SPMIP4: variants seen among roughly 807,000 people sequenced by gnomAD.
SPMIP4 encodes the protein sperm microtubule inner protein 4, also known as sperm-associated microtubule inner protein 4.
At chr7:25,164,544 G>A in the SPMIP4 span, among the ~76,000 whole-genome samples, 1 of 152,156 alleles carries the variant, frequency 6.6e-6, no homozygotes. Context: ...GTTCTATCAA[G>A]TAACATACTC....
the SPMIP4 span, among the ~76,000 whole-genome samples, chr7:25,127,829 C>T: frequency 1.6e-4 from 24 of 152,142 alleles, no homozygotes; most frequent in African/African-American, 5.5e-4. Context: ...TTTTTGTATC[C>T]ACCCTTCTTG....
chr7:25,130,179 C>T, the SPMIP4 span, among the ~76,000 whole-genome samples: 22 of 151,538 alleles, frequency 1.5e-4, no homozygotes, highest in Non-Finnish European at 2.9e-4. Flanking sequence ...GTGGAGGTTG[C>T]AGTGAGCTGA....
At chr7:25,129,646 T>C in the SPMIP4 span, among the ~76,000 whole-genome samples, 2 of 152,110 alleles carry the variant, frequency 1.3e-5, no homozygotes, top group Non-Finnish European at 2.9e-5. Context: ...TTTGGGTGGA[T>C]AGTTGTTCAA....
At chr7:25,153,884 G>A in the SPMIP4 span, among the ~76,000 whole-genome samples, 1 of 152,228 alleles carries the variant, frequency 6.6e-6, no homozygotes, top group Non-Finnish European at 1.5e-5. Context: ...TGCCTAGTCT[G>A]AGAGGCAATG....
the SPMIP4 span, among the ~76,000 whole-genome samples, chr7:25,147,330 G>A: frequency 6.6e-6 from 1 of 152,128 alleles, no homozygotes; most frequent in Non-Finnish European, 1.5e-5. Context: ...TTGCCAATTG[G>A]AAAAGGAAAA....
chr7:25,146,657 G>A, the SPMIP4 span, among the ~76,000 whole-genome samples: 1 of 152,150 alleles, frequency 6.6e-6, no homozygotes, highest in Non-Finnish European at 1.5e-5. Flanking sequence ...CCTTTGAAGG[G>A]GTGATATCAG....
At chr7:25,141,596 A>G in the SPMIP4 span, among the ~76,000 whole-genome samples, 3 of 144,918 alleles carry the variant, frequency 2.1e-5, no homozygotes, top group East Asian at 2.0e-4. Flanking sequence ...AAAAAAAAAA[A>G]GCAAAGATCT....
chr7:25,125,982 AAAAT>A, the SPMIP4 span: 1 of 984,332 alleles, frequency 1.0e-6, no homozygotes, highest in African/African-American at 1.7e-5. Context: ...CTGGAACTGA[AAAAT>A]AAAATTAAGA....
the SPMIP4 span, among the ~76,000 whole-genome samples, chr7:25,156,933 T>G: frequency 7.4e-3 from 1,122 of 152,168 alleles, 12 homozygotes; most frequent in African/African-American, 0.026. Flanking sequence ...GTGATCCACC[T>G]GCCTCGGCCT....
the SPMIP4 span, among the ~76,000 whole-genome samples, chr7:25,139,459 TA>T: frequency 6.6e-6 from 1 of 151,988 alleles, no homozygotes; most frequent in Non-Finnish European, 1.5e-5. Flanking sequence ...TATGTTAAAG[TA>T]AAAAAACTAC....
chr7:25,134,284 AACAC>A, the SPMIP4 span, among the ~76,000 whole-genome samples: 3 of 150,520 alleles, frequency 2.0e-5, no homozygotes, highest in East Asian at 3.9e-4. Flanking sequence ...ACAAAAACAA[AACAC>A]ACACACACAC....
At chr7:25,160,399 A>C in the SPMIP4 span, among the ~76,000 whole-genome samples, 1 of 152,130 alleles carries the variant, frequency 6.6e-6, no homozygotes, top group Non-Finnish European at 1.5e-5. Flanking sequence ...CCTGGGTTCA[A>C]GTGATTCTCC....
the SPMIP4 span, among the ~76,000 whole-genome samples, chr7:25,137,867 G>T: frequency 3.3e-5 from 5 of 152,002 alleles, no homozygotes; most frequent in African/African-American, 1.2e-4. Context: ...CATAATATGG[G>T]GTAATTTAAC....
chr7:25,162,708 G>A, the SPMIP4 span, among the ~76,000 whole-genome samples: 1 of 152,088 alleles, frequency 6.6e-6, no homozygotes, highest in Non-Finnish European at 1.5e-5. Flanking sequence ...TGTGCTACAT[G>A]CACTAAGGTT....
chr7:25,147,716 T>C, the SPMIP4 span, among the ~76,000 whole-genome samples: 1 of 152,248 alleles, frequency 6.6e-6, no homozygotes, highest in African/African-American at 2.4e-5. Flanking sequence ...TGTTGCTAGG[T>C]CAACAAAGTA....
the SPMIP4 span, among the ~76,000 whole-genome samples, chr7:25,140,088 G>T: frequency 6.6e-6 from 1 of 152,130 alleles, no homozygotes; most frequent in African/African-American, 2.4e-5. Flanking sequence ...TGGAAATCTG[G>T]ACAGTTGTTG....
At chr7:25,137,809 T>C in the SPMIP4 span, among the ~76,000 whole-genome samples, 1 of 152,338 alleles carries the variant, frequency 6.6e-6, no homozygotes, top group South Asian at 2.1e-4. Flanking sequence ...TAAGGTCACA[T>C]TCTGAGGTAC....
At chr7:25,141,875 G>A in the SPMIP4 span, among the ~76,000 whole-genome samples, 11 of 152,008 alleles carry the variant, frequency 7.2e-5, no homozygotes, top group Admixed American at 6.6e-4. Flanking sequence ...GCAGCTGGGA[G>A]TAGAGGCGAG....
At chr7:25,139,725 TA>T in the SPMIP4 span, among the ~76,000 whole-genome samples, 1 of 152,206 alleles carries the variant, frequency 6.6e-6, no homozygotes, top group East Asian at 1.9e-4. Context: ...AAATTTGTCA[TA>T]AAAAAGGACA....
Sources: allele counts gnomAD v4.1 joint callset (sites outside exome capture counted in the v4.1 genomes callset), GRCh38; gene constraint gnomAD v4.1.1; transcripts MANE v1.5; gene names NCBI Gene and HGNC (gene_info 2026-07-23, HGNC 2026-07-21).